Variants in ANGPT2 observed in about 807,000 individuals in gnomAD.
ANGPT2 encodes angiopoietin-2.
Under a neutral mutation model 62.9 loss-of-function variants are expected in ANGPT2, and 28 were observed. That is an observed-to-expected ratio of 0.44 (90% confidence interval 0.33 to 0.61). The LOEUF (loss-of-function observed/expected upper bound fraction) is 0.61, where lower values mean the gene tolerates loss of function less well. Ranked by LOEUF, ANGPT2 falls within the 20% of genes least tolerant of loss-of-function variation. The pLI is 0.03. For missense variants in ANGPT2, 727 were observed against 594.9 expected, an observed-to-expected ratio of 1.22 and a Z score of -2.31; for synonymous variants, 284 against 207.8, an observed-to-expected ratio of 1.37 and a Z score of -3.15.
intron 1 of ANGPT2, among the ~76,000 whole-genome samples, chr8:6,541,863 C>T (rs897894636): frequency 1.3e-5 from 2 of 151,968 alleles, no homozygotes; most frequent in Admixed American, 1.3e-4. Flanking sequence ...TAAAAATTAG[C>T]TGGACATGGT....
intron 8 of ANGPT2, among the ~76,000 whole-genome samples, chr8:6,506,399 T>C (rs1586199873): frequency 1.3e-5 from 2 of 152,290 alleles, no homozygotes; most frequent in South Asian, 4.1e-4. Flanking sequence ...CTTTTCCAAT[T>C]ACATTCTCAG....
At chr8:6,510,115 A>G (rs1193864218) in intron 7 of ANGPT2, among the ~76,000 whole-genome samples, 2 of 152,118 alleles carry the variant, frequency 1.3e-5, no homozygotes, top group African/African-American at 2.4e-5. Flanking sequence ...AGCAAGGAGC[A>G]TATAAGGGAA....
At position 6,514,787 on chromosome 8, in the gene ANGPT2, A is replaced by C; in HGVS notation, c.928-9T>G. On this transcript the variant is annotated splice_polypyrimidine_tract_variant and intron_variant, in intron 5 of 8. Transcript: ENST00000629816. ...TCCATGTCACAGTAGGCCTGCAAAC[A>C]GGAATGCAGGGTATAAGTGACAGAG... The C allele has an allele frequency of 1.2e-6, 2 of 1,612,736 alleles. No homozygotes were observed. The highest frequency in any genetic ancestry group is 1.7e-6 in the Non-Finnish European group (2 of 1,178,878).
chr8:6,503,459 C>T (rs750704064), intron 8 of ANGPT2, among the ~76,000 whole-genome samples, 198 bp from the exon 9 acceptor site: 1 of 152,320 alleles, frequency 6.6e-6, no homozygotes, highest in African/African-American at 2.4e-5. Flanking sequence ...AGTTCCATTA[C>T]GGCAAATGCT....
At position 6,509,146 on chromosome 8, in the gene ANGPT2, A is replaced by G. The variant is rs1026150083; in HGVS notation, c.1197-84T>C. The G allele has an allele frequency of 5.9e-6, 9 of 1,528,978 alleles. No homozygotes were observed. The East Asian group carries it at 6.8e-5, about 11-fold the overall frequency. 94.7% of individuals were successfully genotyped at this position (1,528,978 alleles called of 1,614,324 possible). On this transcript the variant is annotated intron_variant, in intron 7 of 8. Transcript: ENST00000629816. ...CAAATTTTTTGTGATGAAGAATTCC[A>G]TTCTACAGAAGCGTGTTCTGTACTC...
chr8:6,511,990 C>G (rs912384391), intron 7 of ANGPT2, among the ~76,000 whole-genome samples: 5 of 151,502 alleles, frequency 3.3e-5, no homozygotes, highest in African/African-American at 1.2e-4. Flanking sequence ...ACTGACCAAC[C>G]ACTTGTGTCT....
chr8:6,517,668 C>T (rs79799803), intron 5 of ANGPT2, among the ~76,000 whole-genome samples: 13,402 of 152,114 alleles, frequency 0.088, 1,043 homozygotes, highest in African/African-American at 0.2. Context: ...CAAGTTCTAC[C>T]CCAGGGGCTG....
chr8:6,531,677 C>G (rs1819543649), intron 2 of ANGPT2, among the ~76,000 whole-genome samples: 2 of 152,324 alleles, frequency 1.3e-5, no homozygotes, highest in South Asian at 4.1e-4. Flanking sequence ...TTAGCAATCA[C>G]TTGTCTGGCC....
rs1812470079 is a variant in ANGPT2, at chr8:6,502,899, G to C, written c.*202C>G. ...GTCTAATCACAATTATGGATGTTTA[G>C]GGTCTTGCTTTGGTCCGTTAAGTGA... On this transcript the variant is annotated 3_prime_UTR_variant, in exon 9 of 9. Coordinates refer to ENST00000629816, the MANE Select transcript of ANGPT2 (RefSeq NM_001118887.2). 7.0e-6 allele frequency: 4 copies of C among 568,268 alleles called. No homozygotes were observed. The highest frequency in any genetic ancestry group is 1.9e-5 in the African/African-American group (1 of 53,034). 35.2% of individuals were successfully genotyped at this position (568,268 alleles called of 1,614,324 possible).
chr8:6,562,552 C>CTTGTTTTTTTTTTTTTTT (rs1825700604), intron 1 of ANGPT2, 95 bp downstream of exon 1: 1 of 71,748 alleles, frequency 1.4e-5, no homozygotes, highest in Non-Finnish European at 2.6e-5. Flanking sequence ...CATCCTCCTT[C>CTTGTTTTTTTTTTTTTTT]TTTTTTTTTT....
intron 8 of ANGPT2, chr8:6,508,664 A>G (rs1234994588): frequency 5.1e-6 from 3 of 588,918 alleles, no homozygotes; most frequent in Non-Finnish European, 8.9e-6. Context: ...AGAGCTTGCT[A>G]AGAATCAAAT....
intron 7 of ANGPT2, among the ~76,000 whole-genome samples, chr8:6,510,277 G>T (rs1050488167): frequency 6.6e-6 from 1 of 151,982 alleles, no homozygotes; most frequent in Non-Finnish European, 1.5e-5. Context: ...TGCCATGTTG[G>T]CACGTTGGGT....
intron 1 of ANGPT2, among the ~76,000 whole-genome samples, chr8:6,545,575 G>T (rs1003660887): frequency 6.6e-6 from 1 of 152,178 alleles, no homozygotes; most frequent in Non-Finnish European, 1.5e-5. Context: ...TCTGATGAGG[G>T]TTAAAATGTA....
chr8:6,516,820 A>C (rs1202975954), intron 5 of ANGPT2, among the ~76,000 whole-genome samples: 1 of 152,196 alleles, frequency 6.6e-6, no homozygotes, highest in East Asian at 1.9e-4. Context: ...CCAGTACTTA[A>C]ATACATGTTC....
intron 7 of ANGPT2, among the ~76,000 whole-genome samples, chr8:6,511,102 G>A (rs749742058): frequency 4.6e-5 from 7 of 152,006 alleles, no homozygotes; most frequent in Non-Finnish European, 8.8e-5. Context: ...AGTTCTCATG[G>A]AACTTGTTAA....
intron 1 of ANGPT2, among the ~76,000 whole-genome samples, chr8:6,544,610 A>C (rs1822208407): frequency 6.6e-6 from 1 of 152,194 alleles, no homozygotes; most frequent in Admixed American, 6.5e-5. Context: ...GTTGAGTAAG[A>C]ACCGACATGC....
At position 6,562,768 on chromosome 8, in the gene ANGPT2, G is replaced by C; in HGVS notation, c.167C>G (p.Ser56Cys). ...AGCATTGGACACGTAGGGGCTGGAG[G>C]AAGAGCGGCAGTTGTCCATCTCTGG... ...LLPEMDNCRS[S>C]SSPYVSNAVQ... The change falls in exon 1 of 9, where the codon TCC becomes TGC. Residue 56 changes from serine to cysteine, a missense_variant. Transcript: ENST00000629816. 1 of 1,613,930 alleles carries C rather than the reference G, an allele frequency of 6.2e-7. No homozygotes were observed. The highest frequency in any genetic ancestry group is 8.5e-7 in the Non-Finnish European group (1 of 1,180,008).
intron 1 of ANGPT2, among the ~76,000 whole-genome samples, chr8:6,540,579 C>A (rs2129573677): frequency 6.6e-6 from 1 of 152,338 alleles, no homozygotes; most frequent in East Asian, 1.9e-4. Context: ...AAATACAGTG[C>A]AACAGACGTT....
chr8:6,557,042 G>A (rs542133893), intron 1 of ANGPT2, among the ~76,000 whole-genome samples: 3 of 152,256 alleles, frequency 2.0e-5, no homozygotes, highest in East Asian at 3.9e-4. Context: ...AGGGGTGGGC[G>A]GGGTCATATG....
Sources: gnomAD v4.1 joint callset for allele counts (sites outside exome capture counted in the v4.1 genomes callset) on GRCh38, gnomAD v4.1.1 for gene constraint, MANE v1.5 for transcripts, NCBI Gene and HGNC (gene_info 2026-07-23, HGNC 2026-07-21) for gene names.